NRP1: variants seen among roughly 807,000 people sequenced by gnomAD.
NRP1 encodes the protein neuropilin 1.
A neutral mutation model predicts 106.7 loss-of-function variants in NRP1; 35 were observed. That is an observed-to-expected ratio of 0.33 (90% confidence interval 0.25 to 0.43). NRP1 has a LOEUF of 0.43. Ranked by LOEUF, NRP1 falls within the 20% of genes least tolerant of loss-of-function variation. The pLI, the probability that NRP1 is intolerant of heterozygous loss-of-function variation, is 1.00. For synonymous variants in NRP1, 437 were observed against 417.9 expected, an observed-to-expected ratio of 1.05 and a Z score of -0.56; for missense variants, 1,024 against 1,170.4, an observed-to-expected ratio of 0.87 and a Z score of 1.83.
intron 2 of NRP1, among the ~76,000 whole-genome samples, chr10:33,315,556 A>G (rs1421040922): frequency 6.6e-6 from 1 of 152,228 alleles, no homozygotes; most frequent in Non-Finnish European, 1.5e-5. Context: ...GCAAAACACT[A>G]AACTCGGCTC....
chr10:33,257,000 A>T (rs1842240961), intron 4 of NRP1, among the ~76,000 whole-genome samples: 1 of 152,176 alleles, frequency 6.6e-6, no homozygotes, highest in Non-Finnish European at 1.5e-5. Flanking sequence ...GCTATCTTTT[A>T]GCCCTGGATT....
At chr10:33,254,968 A>T (rs1842102327) in intron 5 of NRP1, among the ~76,000 whole-genome samples, 1 of 152,218 alleles carries the variant, frequency 6.6e-6, no homozygotes, top group African/African-American at 2.4e-5. Flanking sequence ...AAACATCAAA[A>T]TCTATATTCT....
At chr10:33,235,577 T>C (rs1377228090) in intron 6 of NRP1, among the ~76,000 whole-genome samples, 2 of 152,262 alleles carry the variant, frequency 1.3e-5, no homozygotes, top group Non-Finnish European at 2.9e-5. Flanking sequence ...CTGAGGGCTT[T>C]TTTCCTTTTC....
chr10:33,296,012 G>T (rs1845359059), intron 2 of NRP1, among the ~76,000 whole-genome samples: 1 of 152,032 alleles, frequency 6.6e-6, no homozygotes, highest in African/African-American at 2.4e-5. Context: ...TGAGTGTTTG[G>T]GTTTTGTAGT....
At chr10:33,252,086 T>C (rs1320305500) in intron 6 of NRP1, among the ~76,000 whole-genome samples, 1 of 151,960 alleles carries the variant, frequency 6.6e-6, no homozygotes, top group Non-Finnish European at 1.5e-5. Context: ...TACAAGCGGC[T>C]GGATATCGTG....
intron 6 of NRP1, among the ~76,000 whole-genome samples, chr10:33,251,675 T>G (rs1841868303): frequency 6.6e-6 from 1 of 152,236 alleles, no homozygotes; most frequent in South Asian, 2.1e-4. Context: ...AAATCTGTTC[T>G]GTTCACAAAT....
chr10:33,255,737 C>A (rs1295386349), intron 5 of NRP1, among the ~76,000 whole-genome samples: 3 of 152,294 alleles, frequency 2.0e-5, no homozygotes, highest in Admixed American at 6.5e-5. Flanking sequence ...CAGAGTGAGC[C>A]ACCAGTCCTG....
At chr10:33,187,777 T>A (rs2070301) in intron 13 of NRP1, among the ~76,000 whole-genome samples, 1 of 151,980 alleles carries the variant, frequency 6.6e-6, no homozygotes, top group Admixed American at 6.6e-5. Context: ...AAGAGACTTG[T>A]GTGTTTGCAA....
chr10:33,230,873 C>T lies in NRP1; in HGVS notation c.982-4584G>A, dbSNP rs2132985354. 1.3e-5 allele frequency among the ~76,000 whole-genome samples: 2 copies of T among 152,274 alleles called. 1 individual carries two copies. The highest frequency in any genetic ancestry group is 1.3e-4 in the Admixed American group (2 of 15,278). ...GTCTTTTGTCAGTTTAATTTGCAGG[C>T]CCCAGTTGCAACACCTTAAAGAGTA... On this transcript the variant is annotated intron_variant, in intron 6 of 16. Coordinates refer to ENST00000374867, the MANE Select transcript of NRP1 (RefSeq NM_003873.7).
Position 33,263,651 on chromosome 10 carries a change from G to A in NRP1, c.653C>T (p.Pro218Leu). The A allele has an allele frequency of 6.2e-7, 1 of 1,613,002 alleles. No homozygotes were observed. The highest frequency in any genetic ancestry group is 1.1e-5 in the South Asian group (1 of 91,036). Residue 218 changes from proline to leucine, a missense_variant, in exon 4 of 17, where the codon CCT (proline) becomes CTT (leucine). This residue lies in a region of NRP1 where 279 missense variants were observed against 327.4 expected (regional missense o/e 0.85). Coordinates refer to ENST00000374867, the MANE Select transcript of NRP1 (RefSeq NM_003873.7). ...YDRLEIWDGF[P>L]DVGPHIGRYC... ...GTGCTTCCTGTCATTCTTACCATCA[G>A]GGAATCCATCCCAGATTTCTAGCCG...
chr10:33,316,107 G>T (rs1354364372), intron 2 of NRP1, among the ~76,000 whole-genome samples: 1 of 152,190 alleles, frequency 6.6e-6, no homozygotes, highest in Non-Finnish European at 1.5e-5. Context: ...GAGGAAACGG[G>T]GAACTCTAAA....
chr10:33,185,993 G>A (rs1052848467), intron 14 of NRP1, among the ~76,000 whole-genome samples: 2 of 152,156 alleles, frequency 1.3e-5, no homozygotes, highest in African/African-American at 2.4e-5. Context: ...TAGATGACAC[G>A]GAAGCCCTTT....
At chr10:33,180,820 A>G (rs1464488464) in intron 16 of NRP1, among the ~76,000 whole-genome samples, 1 of 152,240 alleles carries the variant, frequency 6.6e-6, no homozygotes, top group African/African-American at 2.4e-5. Context: ...TGCTGTTTCC[A>G]GGATCTGGCA....
intron 10 of NRP1, 22 bp from the exon 11 acceptor site, chr10:33,203,017 A>G (rs773278916): frequency 8.8e-6 from 14 of 1,595,102 alleles, no homozygotes; most frequent in Middle Eastern, 1.7e-4. Context: ...TCCAAGGATT[A>G]TTATCTCACA....
intron 13 of NRP1, among the ~76,000 whole-genome samples, chr10:33,188,524 A>G (rs1308658132): frequency 5.9e-5 from 9 of 152,104 alleles, no homozygotes; most frequent in Non-Finnish European, 1.2e-4. Flanking sequence ...CCAGATTTCA[A>G]GAATCCTCTG....
chr10:33,291,489 T>C (rs200792743), intron 2 of NRP1, among the ~76,000 whole-genome samples: 2 of 152,330 alleles, frequency 1.3e-5, no homozygotes, highest in East Asian at 3.9e-4. Context: ...AGAAAGCCAC[T>C]GTAATTTGGA....
chr10:33,275,396 G>A (rs562233029), intron 2 of NRP1, among the ~76,000 whole-genome samples: 5 of 152,108 alleles, frequency 3.3e-5, no homozygotes, highest in East Asian at 1.9e-4. Context: ...GTAAAACCCC[G>A]TCTCTACTAA....
At chr10:33,238,663 C>A (rs946081974) in intron 6 of NRP1, among the ~76,000 whole-genome samples, 2 of 152,008 alleles carry the variant, frequency 1.3e-5, no homozygotes, top group Non-Finnish European at 2.9e-5. Flanking sequence ...AAGCACAGAC[C>A]CCAGAAGTAG....
chr10:33,270,984 A>C, intron 2 of NRP1, 128 bp from the exon 3 acceptor site: 2 of 687,438 alleles, frequency 2.9e-6, no homozygotes, highest in South Asian at 5.3e-5. Context: ...TGCATTCATC[A>C]CTGCATTAAA....
Sources: gnomAD v4.1 joint callset for allele counts (sites outside exome capture counted in the v4.1 genomes callset) on GRCh38, gnomAD v4.1.1 for gene constraint, gnomAD v4.1.1 regional missense constraint, MANE v1.5 for transcripts, NCBI Gene and HGNC (gene_info 2026-07-23, HGNC 2026-07-21) for gene names.